LAIR1: variants seen among roughly 807,000 people sequenced by gnomAD.
LAIR1 encodes the protein leukocyte associated immunoglobulin like receptor 1.
LAIR1 carries 24 observed loss-of-function variants against 32.8 expected under a neutral mutation model. The observed-to-expected ratio is 0.73, with a 90% CI of 0.53 to 1.03. LAIR1 has a LOEUF of 1.03. Ranked by LOEUF, LAIR1 falls within the 50% of genes least tolerant of loss-of-function variation. LAIR1 has a pLI of 0.00. For missense variants in LAIR1, 355 were observed against 347.5 expected, an observed-to-expected ratio of 1.02 and a Z score of -0.17; for synonymous variants, 150 against 140.5, an observed-to-expected ratio of 1.07 and a Z score of -0.48.
intron 5 of LAIR1, 52 bp from the exon 6 acceptor site, chr19:54,356,671 C>A (rs370576224): frequency 3.3e-5 from 51 of 1,550,038 alleles, no homozygotes; most frequent in Non-Finnish European, 4.5e-5. Context: ...TGAGCACCTA[C>A]TGTATACCAC....
chr19:54,365,324 A>G (rs965059276), upstream of LAIR1, among the ~76,000 whole-genome samples: 1 of 135,188 alleles, frequency 7.4e-6, no homozygotes, highest in African/African-American at 2.7e-5. Context: ...CCTACAAAGC[A>G]TATTATTTTT....
Position 54,364,813 on chromosome 19 carries a change from T to A in LAIR1, c.-9A>T, listed in dbSNP as rs2122582721. Reference sequence around the variant, plus strand: ...GTGGGGTGGGGAGACATGGCCCAGGTCCCAGCAGTGCAGCCTGGCCTGAGG... The same window carrying A: ...GTGGGGTGGGGAGACATGGCCCAGGACCCAGCAGTGCAGCCTGGCCTGAGG... On this transcript the variant is annotated 5_prime_UTR_variant, in exon 1 of 10. Coordinates refer to ENST00000391742, the MANE Select transcript of LAIR1 (RefSeq NM_002287.6). This position sits in a 1 kb window ranked among gnomAD's most constrained non-coding sequence, Gnocchi z 4.8. The A allele has an allele frequency of 6.2e-7, 1 of 1,613,994 alleles. No individual in the cohort carries two copies. The highest frequency in any genetic ancestry group is 8.5e-7 in the Non-Finnish European group (1 of 1,179,950).
upstream of LAIR1, among the ~76,000 whole-genome samples, chr19:54,367,119 A>C (rs1166142597): frequency 3.3e-5 from 5 of 152,366 alleles, no homozygotes; most frequent in South Asian, 1.0e-3. Flanking sequence ...AAAAATTTAA[A>C]AACATATATA....
At chr19:54,375,347 C>A (rs556405929), upstream of LAIR1, among the ~76,000 whole-genome samples, 1 of 152,166 alleles carries the variant, frequency 6.6e-6, no homozygotes, top group Non-Finnish European at 1.5e-5. Flanking sequence ...TGCCTGCGCC[C>A]GCCCCGCTGT....
upstream of LAIR1, among the ~76,000 whole-genome samples, chr19:54,365,717 G>A (rs2082230406): frequency 6.6e-6 from 1 of 151,912 alleles, no homozygotes; most frequent in Non-Finnish European, 1.5e-5. Context: ...AGAAGGCAGG[G>A]GTTGCAGTGA....
chr19:54,375,564 G>T, the LAIR1 span, among the ~76,000 whole-genome samples: 4 of 152,272 alleles, frequency 2.6e-5, no homozygotes, highest in African/African-American at 9.6e-5. Context: ...AAATCCAGAC[G>T]GGCAACCACG....
chr19:54,361,226 G>A lies in LAIR1; in HGVS notation c.71-17C>T, dbSNP rs746325173. On this transcript the variant is annotated splice_polypyrimidine_tract_variant and intron_variant, in intron 2 of 9. Transcript: ENST00000391742. ...GCAGATCTTCTAGGAGGGAAGCAGA[G>A]CAGGATCTCAGCGTCCACTGTAGGA... The A allele has an allele frequency of 3.1e-6, 5 of 1,612,676 alleles. No individual in the cohort carries two copies. The highest frequency in any genetic ancestry group is 3.3e-4 in the Middle Eastern group (2 of 6,060).
At chr19:54,372,019 C>T (rs190639245), upstream of LAIR1, among the ~76,000 whole-genome samples, 45 of 151,704 alleles carry the variant, frequency 3.0e-4, no homozygotes, top group Non-Finnish European at 5.1e-4. Flanking sequence ...ATTGTCTGGA[C>T]ACATAGTTAA....
In LAIR1 at chr19:54,364,548, C is replaced by G; in HGVS notation, c.35-218G>C. On this transcript the variant is annotated intron_variant, in intron 1 of 9. Transcript: ENST00000391742. This position sits in a 1 kb window ranked among gnomAD's most constrained non-coding sequence, Gnocchi z 4.8. ...TCCTCCAAAAAGGCTCCTGCTCCCC[C>G]AGCCCTTCTTAAAGCTGACCTCATC... 1 of 798,760 alleles carries G rather than the reference C, an allele frequency of 1.3e-6. No individual in the cohort carries two copies. Among genetic ancestry groups the G allele is most frequent in the Non-Finnish European group, 2.2e-6 (1 of 458,546 alleles). The allele number at this position is 798,760 out of a possible 1,614,324, so 49.5% of individuals were successfully genotyped here. A position where few individuals can be genotyped will look rare whatever the true frequency, so the allele number is the denominator to read the frequency against.
In LAIR1 at chr19:54,355,732, C is replaced by T. The variant is rs1197863248; in HGVS notation, c.717+222G>A. ...GCCCCTGTGAGAGGAACAGAGGTTT[C>T]CTGCCCACAGCCGGGGAAGTGAGCG... On this transcript the variant is annotated intron_variant, in intron 9 of 9. Coordinates refer to ENST00000391742, the MANE Select transcript of LAIR1 (RefSeq NM_002287.6). This position sits in a 1 kb window ranked among gnomAD's most constrained non-coding sequence, Gnocchi z 4.7. 3.9e-5 allele frequency among the ~76,000 whole-genome samples: 6 copies of T among 152,160 alleles called. No individual in the cohort carries two copies. The highest frequency in any genetic ancestry group is 3.9e-4 in the Admixed American group (6 of 15,272).
upstream of LAIR1, among the ~76,000 whole-genome samples, chr19:54,374,699 G>T (rs916096695): frequency 3.0e-4 from 45 of 152,216 alleles, no homozygotes; most frequent in African/African-American, 1.0e-3. Flanking sequence ...AAGGCTCCCA[G>T]CCCCAGAGGT....
upstream of LAIR1, among the ~76,000 whole-genome samples, chr19:54,372,772 G>A (rs1042365222): frequency 8.6e-5 from 13 of 151,100 alleles, no homozygotes; most frequent in Admixed American, 3.9e-4. Flanking sequence ...ATAGGTGTAA[G>A]CCACTGAGCC....
intron 2 of LAIR1, 76 bp from the exon 3 acceptor site, chr19:54,361,285 C>T (rs778553638): frequency 6.6e-7 from 1 of 1,505,272 alleles, no homozygotes; most frequent in Non-Finnish European, 9.1e-7. Context: ...TTTAGCATCA[C>T]AATTCAGGGA....
At chr19:54,359,628 G>A (rs1415781782) in intron 4 of LAIR1, among the ~76,000 whole-genome samples, 1 of 152,278 alleles carries the variant, frequency 6.6e-6, no homozygotes, top group Non-Finnish European at 1.5e-5. Flanking sequence ...CGTGGAGCTC[G>A]GGCGAGCCCG....
upstream of LAIR1, among the ~76,000 whole-genome samples, chr19:54,372,795 A>G (rs2082438489): frequency 6.6e-6 from 1 of 151,170 alleles, no homozygotes; most frequent in African/African-American, 2.5e-5. Flanking sequence ...GCCTCCTTAT[A>G]AACTTCTCTA....
At chr19:54,365,002 G>A, upstream of LAIR1, 3 of 1,439,978 alleles carry the variant, frequency 2.1e-6, no homozygotes, top group African/African-American at 1.4e-5. Flanking sequence ...GAGAGGGAGG[G>A]CCTTGGTTTC....
upstream of LAIR1, among the ~76,000 whole-genome samples, chr19:54,365,373 C>T (rs1264994844): frequency 6.6e-6 from 1 of 152,046 alleles, no homozygotes; most frequent in Non-Finnish European, 1.5e-5. Context: ...GAAACTGGAT[C>T]CCTCGCATAC....
chr19:54,362,665 A>T (rs1290327526), intron 2 of LAIR1, among the ~76,000 whole-genome samples: 1 of 152,186 alleles, frequency 6.6e-6, no homozygotes, highest in East Asian at 1.9e-4. Flanking sequence ...TTGTATTTTT[A>T]GTAGAGACGG....
rs761623606 is a variant in LAIR1 at position 54,355,439 on chromosome 19, G to A, written c.718-25C>T. 6.4e-6 allele frequency: 10 copies of A among 1,569,838 alleles called. No individual in the cohort carries two copies. The Admixed American group carries it at 1.5e-4, about 23-fold the overall frequency. On this transcript the variant is annotated intron_variant, in intron 9 of 9. Transcript: ENST00000391742. The surrounding 1 kb of genome is among the most constrained non-coding windows in gnomAD (Gnocchi z 4.7). ...CCTAAGAGGGAGAGACCCAGGGTGA[G>A]GGAGTGCCTGGTGGAGGGTGAGACG...
Sources: gnomAD v4.1 joint callset for allele counts (sites outside exome capture counted in the v4.1 genomes callset) on GRCh38, gnomAD v4.1.1 for gene constraint, Gnocchi (gnomAD v3.1) non-coding constraint, MANE v1.5 for transcripts, NCBI Gene and HGNC (gene_info 2026-07-23, HGNC 2026-07-21) for gene names.